The following SNTG2 variants were observed in gnomAD, a reference collection of about 807,000 sequenced individuals.
The protein encoded by SNTG2 is gamma-2-syntrophin.
A neutral mutation model predicts 70.9 loss-of-function variants in SNTG2; 74 were observed. The observed-to-expected ratio is 1.04, with a 90% CI of 0.86 to 1.27. The LOEUF is 1.27. Ranked by LOEUF, SNTG2 falls within the 50% of genes most tolerant of loss-of-function variation. The pLI, the probability that SNTG2 is intolerant of heterozygous loss-of-function variation, is 0.00. For synonymous variants in SNTG2, 278 were observed against 273.8 expected (o/e 1.02, Z -0.15); for missense variants, 717 against 690.7 (o/e 1.04, Z -0.43).
intron 9 of SNTG2, among the ~76,000 whole-genome samples, chr2:1,224,580 C>T (rs1306692374): frequency 2.0e-5 from 3 of 152,178 alleles, no homozygotes; most frequent in Admixed American, 6.5e-5. Flanking sequence ...TCTCTGATGC[C>T]GCGTGCCCAG....
chr2:1,263,737 C>T (rs1162119879), intron 13 of SNTG2, among the ~76,000 whole-genome samples: 2 of 152,254 alleles, frequency 1.3e-5, no homozygotes, highest in African/African-American at 4.8e-5. Flanking sequence ...CATGTGAATC[C>T]GGGATGTGAG....
At chr2:1,191,571 G>A (rs28494847) in intron 8 of SNTG2, among the ~76,000 whole-genome samples, 2,311 of 152,214 alleles carry the variant, frequency 0.015, 54 homozygotes, top group African/African-American at 0.051. Context: ...TGAGGTGAAC[G>A]GATCATGAGG....
chr2:1,072,185 C>T (rs764870408), intron 1 of SNTG2, among the ~76,000 whole-genome samples: 8 of 152,096 alleles, frequency 5.3e-5, no homozygotes, highest in South Asian at 2.1e-4. Context: ...TGGAAGAAGA[C>T]GCCATCCAGG....
chr2:1,115,949 C>T (rs763894346), intron 4 of SNTG2, among the ~76,000 whole-genome samples: 2 of 152,248 alleles, frequency 1.3e-5, no homozygotes, highest in Non-Finnish European at 2.9e-5. Flanking sequence ...CCAGGGCCTG[C>T]CCTCCAGGAC....
At chr2:1,093,062 G>A (rs1025092188) in intron 2 of SNTG2, among the ~76,000 whole-genome samples, 1 of 152,136 alleles carries the variant, frequency 6.6e-6, no homozygotes, top group Non-Finnish European at 1.5e-5. Context: ...TTCTGAATTT[G>A]TTCCTTTGGT....
intron 16 of SNTG2, among the ~76,000 whole-genome samples, chr2:1,365,711 C>G (rs760474725): frequency 4.6e-5 from 7 of 152,208 alleles, no homozygotes; most frequent in Non-Finnish European, 8.8e-5. Context: ...CCACTGGGCT[C>G]TGGCTGGTCC....
intron 4 of SNTG2, among the ~76,000 whole-genome samples, chr2:1,129,982 G>A (rs1291103821): frequency 6.6e-6 from 1 of 152,142 alleles, no homozygotes; most frequent in Non-Finnish European, 1.5e-5. Context: ...ACATTTGTAG[G>A]GAGCAAGTCT....
At chr2:1,007,150 G>A (rs535358788) in intron 1 of SNTG2, among the ~76,000 whole-genome samples, 3 of 152,260 alleles carry the variant, frequency 2.0e-5, no homozygotes, top group African/African-American at 4.8e-5. Flanking sequence ...GAGTATGTGT[G>A]GGTTTGGGTA....
chr2:1,286,924 G>T lies in SNTG2; in HGVS notation c.1284+19353G>T, dbSNP rs1485433722. On this transcript the variant is annotated intron_variant, in intron 14 of 16. Transcript: ENST00000308624. ...AGTGTCACTGTGGCTGTCATGACTT[G>T]CTCACTGAAGGAGGCAGACATGCTC... is the stretch of plus-strand genomic sequence containing the variant. Among the ~76,000 whole-genome samples, 6 of 152,174 alleles carry T rather than the reference G, an allele frequency of 3.9e-5. No homozygotes were observed. The East Asian group carries it at 1.2e-3, about 29-fold the overall frequency.
intron 6 of SNTG2, chr2:1,160,830 C>G (rs28666794): frequency 0.77 from 116,875 of 152,172 alleles, 45,909 homozygotes; most frequent in Non-Finnish European, 0.86. Flanking sequence ...GCACCTTGCT[C>G]GCACCTGATC....
At chr2:1,356,192 G>A (rs956173593) in intron 16 of SNTG2, among the ~76,000 whole-genome samples, 4 of 152,008 alleles carry the variant, frequency 2.6e-5, no homozygotes, top group Non-Finnish European at 4.4e-5. Flanking sequence ...TTCAGTTGAC[G>A]TGGACCCAAA....
chr2:956,086 T>C (rs184015001), intron 1 of SNTG2, among the ~76,000 whole-genome samples: 3,735 of 88,300 alleles, frequency 0.042, 237 homozygotes, highest in African/African-American at 0.15. Context: ...TTGTGCCAAA[T>C]GCTCCGCACC....
At chr2:1,077,169 T>G (rs1663972942) in intron 1 of SNTG2, among the ~76,000 whole-genome samples, 1 of 152,116 alleles carries the variant, frequency 6.6e-6, no homozygotes, top group Admixed American at 6.5e-5. Context: ...CAAGTCTGAT[T>G]GTATGTTTAG....
chr2:1,295,565 C>T (rs992434943), intron 14 of SNTG2, among the ~76,000 whole-genome samples: 5 of 152,230 alleles, frequency 3.3e-5, no homozygotes, highest in Middle Eastern at 3.2e-3. Flanking sequence ...AGGACTGAGT[C>T]TCCAATGTTT....
chr2:951,738 C>T (rs765877746), intron 1 of SNTG2, among the ~76,000 whole-genome samples: 1 of 152,184 alleles, frequency 6.6e-6, no homozygotes, highest in Non-Finnish European at 1.5e-5. Flanking sequence ...TCTTGGAAAC[C>T]TTCAAGTTGC....
At chr2:1,334,223 CAAATTA>C (rs1659681211) in intron 16 of SNTG2, among the ~76,000 whole-genome samples, 1 of 152,044 alleles carries the variant, frequency 6.6e-6, no homozygotes, top group South Asian at 2.1e-4. Context: ...CAGGGAAATG[CAAATTA>C]AAACCACAAC....
intron 1 of SNTG2, among the ~76,000 whole-genome samples, chr2:985,985 A>G (rs1183244308): frequency 6.6e-6 from 1 of 152,100 alleles, no homozygotes; most frequent in Non-Finnish European, 1.5e-5. Flanking sequence ...AGCAAAGCTC[A>G]GAAAGGAAGA....
At chr2:1,027,234 T>C (rs1289623808) in intron 1 of SNTG2, among the ~76,000 whole-genome samples, 1 of 152,194 alleles carries the variant, frequency 6.6e-6, no homozygotes, top group African/African-American at 2.4e-5. Flanking sequence ...TCCCAGCAAG[T>C]AACTCATGCA....
rs74389117 is a variant in SNTG2 at position 1,245,513 on chromosome 2, C to A, written c.889-1814C>A. Among the ~76,000 whole-genome samples, 1,385 of 152,288 alleles carry A rather than the reference C, an allele frequency of 9.1e-3. 23 individuals carry two copies. The highest frequency in any genetic ancestry group is 0.031 in the African/African-American group (1,273 of 41,554). On this transcript the variant is annotated intron_variant, in intron 11 of 16. Coordinates refer to ENST00000308624, the MANE Select transcript of SNTG2 (RefSeq NM_018968.4). ...CAAATGAATCCTATCTTAAACTGTA[C>A]AAATCACTGCACTTGTGCAGTAGTG... is the stretch of plus-strand genomic sequence containing the variant.
Sources: allele counts gnomAD v4.1 joint callset (sites outside exome capture counted in the v4.1 genomes callset), GRCh38; gene constraint gnomAD v4.1.1; transcripts MANE v1.5; gene names NCBI Gene and HGNC (gene_info 2026-07-23, HGNC 2026-07-21).